TMIGD3: variants seen among roughly 807,000 people sequenced by gnomAD.
TMIGD3 encodes the protein AD026 protein (AD026).
TMIGD3 carries 21 observed loss-of-function variants against 28.1 expected under a neutral mutation model. That is an observed-to-expected ratio of 0.75 (90% CI 0.53 to 1.08). The LOEUF (loss-of-function observed/expected upper bound fraction) is 1.08, where lower values mean the gene tolerates loss of function less well. Among genes scored for constraint, TMIGD3 ranks in the 50% least tolerant of loss-of-function variants. The probability of loss-of-function intolerance (pLI) is 0.00; values close to 1 mark genes in which losing one functional copy is unlikely to be tolerated. For synonymous variants in TMIGD3, 151 were observed against 162.1 expected (o/e 0.93, Z 0.52); for missense variants, 416 against 435.6 (o/e 0.96, Z 0.40).
intron 1 of TMIGD3, among the ~76,000 whole-genome samples, chr1:111,532,742 G>A (rs368347720): frequency 2.6e-5 from 4 of 152,192 alleles, no homozygotes; most frequent in African/African-American, 9.7e-5. Flanking sequence ...CACCACTCAG[G>A]GCTGAGTGTT....
At chr1:111,495,333 A>G (rs554517110) in intron 1 of TMIGD3, among the ~76,000 whole-genome samples, 3 of 152,224 alleles carry the variant, frequency 2.0e-5, no homozygotes, top group African/African-American at 7.2e-5. Context: ...AAAAGAAGAC[A>G]TACATGTGGC....
At chr1:111,501,588 C>A (rs1334900058) in intron 1 of TMIGD3, among the ~76,000 whole-genome samples, 1 of 152,150 alleles carries the variant, frequency 6.6e-6, no homozygotes, top group Non-Finnish European at 1.5e-5. Context: ...GAGGATAGTG[C>A]AATTATCCCC....
intron 1 of TMIGD3, among the ~76,000 whole-genome samples, chr1:111,516,840 G>A (rs548699746): frequency 8.5e-5 from 13 of 152,306 alleles, no homozygotes; most frequent in African/African-American, 2.9e-4. Flanking sequence ...CTTGTTCCAC[G>A]GCCCCAGCCC....
upstream of TMIGD3, among the ~76,000 whole-genome samples, chr1:111,507,037 GTGTATATA>G (rs776732568): frequency 0.22 from 10,501 of 48,360 alleles, 393 homozygotes; most frequent in Non-Finnish European, 0.31. Flanking sequence ...GTGTGTGTGT[GTGTATATA>G]TATATATATA....
At chr1:111,544,237 C>A (rs764203442) in intron 1 of TMIGD3, among the ~76,000 whole-genome samples, 2 of 152,156 alleles carry the variant, frequency 1.3e-5, no homozygotes, top group South Asian at 4.1e-4. Context: ...GAGATCAAAT[C>A]CACATTACAT....
upstream of TMIGD3, among the ~76,000 whole-genome samples, chr1:111,507,081 G>T (rs1241213714): frequency 1.4e-5 from 2 of 146,326 alleles, no homozygotes; most frequent in African/African-American, 2.6e-5. Context: ...GTTAACTGTG[G>T]TTCAGGAGAA....
At chr1:111,486,741 T>C in intron 3 of TMIGD3, 89 bp from the exon 4 acceptor site, 3 of 1,128,664 alleles carry the variant, frequency 2.7e-6, no homozygotes, top group Non-Finnish European at 4.0e-6. Flanking sequence ...TGTCATTCTA[T>C]GTCCAGAGAG....
intron 1 of TMIGD3, among the ~76,000 whole-genome samples, chr1:111,545,777 G>T (rs58306714): frequency 0.33 from 49,816 of 151,894 alleles, 9,421 homozygotes; most frequent in Non-Finnish European, 0.44. Context: ...TTATTTGATC[G>T]ATTTTTACTT....
At chr1:111,525,761 G>A (rs1571436235) in intron 1 of TMIGD3, among the ~76,000 whole-genome samples, 1 of 152,258 alleles carries the variant, frequency 6.6e-6, no homozygotes, top group Non-Finnish European at 1.5e-5. Context: ...CTACCCAGGA[G>A]GCAGAGTCAG....
chr1:111,494,826 A>G (rs947432295), intron 1 of TMIGD3, among the ~76,000 whole-genome samples: 1 of 152,188 alleles, frequency 6.6e-6, no homozygotes, highest in Non-Finnish European at 1.5e-5. Context: ...AGAATGGAGA[A>G]CCCACAAGTA....
At chr1:111,493,108 T>G (rs1654742392) in intron 1 of TMIGD3, among the ~76,000 whole-genome samples, 1 of 152,086 alleles carries the variant, frequency 6.6e-6, no homozygotes, top group African/African-American at 2.4e-5. Flanking sequence ...ACAAATGAAA[T>G]AAGATTGGCC....
At chr1:111,553,385 C>A (rs1043241142) in intron 1 of TMIGD3, among the ~76,000 whole-genome samples, 1 of 152,212 alleles carries the variant, frequency 6.6e-6, no homozygotes, top group Non-Finnish European at 1.5e-5. Flanking sequence ...GGATATGAAA[C>A]TGACATTCAT....
At chr1:111,536,095 C>T (rs1019364154) in intron 1 of TMIGD3, among the ~76,000 whole-genome samples, 9 of 152,292 alleles carry the variant, frequency 5.9e-5, no homozygotes, top group Middle Eastern at 3.4e-3. Flanking sequence ...TTTATGGCAA[C>T]GGGATCCTTT....
At chr1:111,489,090 C>A in intron 2 of TMIGD3, 66 bp from the exon 3 acceptor site, 1 of 1,418,328 alleles carries the variant, frequency 7.1e-7, no homozygotes, top group Non-Finnish European at 9.7e-7. Flanking sequence ...CAAAACATTG[C>A]AGCTCCTGCC....
chr1:111,497,453 T>A (rs188816559), intron 1 of TMIGD3, among the ~76,000 whole-genome samples: 2 of 152,180 alleles, frequency 1.3e-5, no homozygotes, highest in Non-Finnish European at 2.9e-5. Context: ...GTGGATCTTG[T>A]CCCTTCTAAC....
intron 1 of TMIGD3, among the ~76,000 whole-genome samples, chr1:111,499,042 G>A (rs533165350): frequency 1.0e-4 from 15 of 148,120 alleles, no homozygotes; most frequent in Non-Finnish European, 1.9e-4. Flanking sequence ...AATGATCTGC[G>A]ATCGAGCCAC....
intron 5 of TMIGD3, 52 bp from the exon 6 acceptor site, chr1:111,483,809 C>T: frequency 6.9e-7 from 1 of 1,458,128 alleles, no homozygotes; most frequent in East Asian, 2.3e-5. Flanking sequence ...TTGCCTACCC[C>T]TGAAGAGTGT....
In TMIGD3 at chr1:111,503,059, A is replaced by G. The variant is rs762744302; in HGVS notation, c.296T>C (p.Met99Thr). ...LLLIFTHASI[M>T]SLLAIAVDRY... ...GTCCACAGCGATGGCCAGCAAGGACATGATGGAGGCGTGGGTAAAGATAAG... is the reference window on the plus strand; with the variant it reads ...GTCCACAGCGATGGCCAGCAAGGACGTGATGGAGGCGTGGGTAAAGATAAG... Residue 99 changes from methionine (M) to threonine (T), a missense_variant, in exon 1 of 6, where the codon ATG (methionine) becomes ACG (threonine). Physicochemically the swap from Met to Thr is moderately conservative, Grantham distance 81 (BLOSUM62 -1). Coordinates refer to ENST00000369716, the MANE Select transcript of TMIGD3 (RefSeq NM_020683.7). The G allele has an allele frequency of 1.9e-6, 3 of 1,614,236 alleles. No individual in the cohort carries two copies. The highest frequency in any genetic ancestry group is 1.1e-5 in the South Asian group (1 of 91,088).
intron 3 of TMIGD3, among the ~76,000 whole-genome samples, chr1:111,487,061 C>T (rs1357454738): frequency 1.3e-5 from 2 of 152,226 alleles, no homozygotes; most frequent in East Asian, 1.9e-4. Context: ...AAGAACTGCT[C>T]ATTTCGTGAT....
Sources: allele counts gnomAD v4.1 joint callset (sites outside exome capture counted in the v4.1 genomes callset), GRCh38; gene constraint gnomAD v4.1.1; transcripts MANE v1.5; gene names NCBI Gene and HGNC (gene_info 2026-07-23, HGNC 2026-07-21).